RB1: variants seen among roughly 807,000 people sequenced by gnomAD.
RB1 encodes RB transcriptional corepressor 1.
Under a neutral mutation model 135.4 loss-of-function variants are expected in RB1, and 18 were observed. The observed-to-expected ratio is 0.13, with a 90% CI of 0.09 to 0.20. RB1 has a LOEUF of 0.20. RB1 is among the 10% of genes least tolerant of loss of function. The pLI, the probability that RB1 is intolerant of heterozygous loss-of-function variation, is 1.00. For missense variants in RB1, 868 were observed against 1,110.0 expected (o/e 0.78, Z 3.10); for synonymous variants, 365 against 373.2 (o/e 0.98, Z 0.25).
chr13:48,477,503 G>T, intron 26 of RB1, 99 bp downstream of exon 26: 1 of 1,021,312 alleles, frequency 9.8e-7, no homozygotes, highest in South Asian at 1.4e-5. Context: ...TCTTCAGTTG[G>T]CAGGTTTGTT....
rs867576532 is a variant in RB1, at chr13:48,384,625, T to C, written c.1695+3182T>C. Among the ~76,000 whole-genome samples the C allele has an allele frequency of 3.3e-5, 5 of 152,176 alleles. No homozygotes were observed. In the South Asian group the frequency reaches 1.0e-3, roughly 32 times the overall value. On this transcript the variant is annotated intron_variant, in intron 17 of 26. Coordinates refer to ENST00000267163, the MANE Select transcript of RB1 (RefSeq NM_000321.3). ...AAAAAATTCTCGTTAAAACTGTAGATTGATAGGAACATATTCACACAGAGT... is the reference window on the plus strand; with the variant it reads ...AAAAAATTCTCGTTAAAACTGTAGACTGATAGGAACATATTCACACAGAGT...
chr13:48,323,038 G>A (rs1028951524), intron 2 of RB1, among the ~76,000 whole-genome samples: 15 of 151,956 alleles, frequency 9.9e-5, no homozygotes, highest in African/African-American at 3.6e-4. Flanking sequence ...TTCACAGAAT[G>A]GACTGGGAAG....
Position 48,347,872 on chromosome 13 carries a change from T to A in RB1, c.539+9T>A. The A allele has an allele frequency of 6.4e-7, 1 of 1,574,206 alleles. No individual in the cohort carries two copies. The highest frequency in any genetic ancestry group is 1.7e-4 in the Middle Eastern group (1 of 5,964). On this transcript the variant is annotated intron_variant, in intron 5 of 26. Coordinates refer to ENST00000267163, the MANE Select transcript of RB1 (RefSeq NM_000321.3). ...ACACAACCCAGCAGTTCGTAAGTAG[T>A]TCACAGAATGTTATTTTTCACTTAA...
At chr13:48,424,641 A>G (rs191348400) in intron 17 of RB1, among the ~76,000 whole-genome samples, 147 of 152,228 alleles carry the variant, frequency 9.7e-4, no homozygotes, top group African/African-American at 3.2e-3. Flanking sequence ...TTCATCTCCA[A>G]CTCTTAGAAT....
At chr13:48,322,043 A>C (rs1952246871) in intron 2 of RB1, among the ~76,000 whole-genome samples, 1 of 152,128 alleles carries the variant, frequency 6.6e-6, no homozygotes, top group African/African-American at 2.4e-5. Context: ...TTATTTTGCT[A>C]TGCAGAAACT....
At position 48,376,918 on chromosome 13, in the gene RB1, A is replaced by G; in HGVS notation, c.1216A>G (p.Asn406Asp). ...TGATTTCTGTTTTTACCTCCTAAAG[A>G]ACTGCACAGTGAATCCAAAAGAAAG... Reference protein sequence around the residue: ...PSENLISYFNNCTVNPKESIL... With the variant: ...PSENLISYFNDCTVNPKESIL... Residue 406 changes from asparagine to aspartate, a missense_variant and splice_region_variant, in exon 13 of 27, where the codon AAC becomes GAC. By Grantham distance (23) the Asn-to-Asp change is conservative. Coordinates refer to ENST00000267163, the MANE Select transcript of RB1 (RefSeq NM_000321.3). 6.2e-7 allele frequency: 1 copy of G among 1,613,610 alleles called. No individual in the cohort carries two copies. The highest frequency in any genetic ancestry group is 8.5e-7 in the Non-Finnish European group (1 of 1,179,784).
At chr13:48,440,250 C>T (rs1949223997) in intron 17 of RB1, among the ~76,000 whole-genome samples, 2 of 151,918 alleles carry the variant, frequency 1.3e-5, no homozygotes, top group South Asian at 2.1e-4. Context: ...AAAATATAAC[C>T]GAAAACTAAA....
At chr13:48,379,763 C>T in intron 14 of RB1, 113 bp downstream of exon 14, 1 of 1,335,148 alleles carries the variant, frequency 7.5e-7, no homozygotes, top group Non-Finnish European at 1.0e-6. Flanking sequence ...GCATCAAGAT[C>T]ATCCTGGCCA....
intron 17 of RB1, among the ~76,000 whole-genome samples, chr13:48,420,059 A>G (rs1233723832): frequency 2.0e-5 from 3 of 152,238 alleles, no homozygotes; most frequent in African/African-American, 7.2e-5. Flanking sequence ...TCATCCTGAT[A>G]CCATAACCTG....
intron 17 of RB1, chr13:48,412,019 A>C: frequency 1.2e-6 from 2 of 1,612,890 alleles, no homozygotes; most frequent in Non-Finnish European, 1.7e-6. Context: ...CAGTGCAAAC[A>C]ATCTTTGCAT....
At chr13:48,317,634 C>T (rs1309271101) in intron 2 of RB1, 7 of 495,706 alleles carry the variant, frequency 1.4e-5, no homozygotes, top group South Asian at 2.3e-5. Context: ...TTCTCCTGCT[C>T]GCTGAGAGCC....
Position 48,451,802 on chromosome 13 carries a change from G to T in RB1, c.1696-1191G>T, listed in dbSNP as rs116737658. Among the ~76,000 whole-genome samples the T allele has an allele frequency of 2.2e-3, 334 of 150,378 alleles. 1 individual carries two copies. The highest frequency in any genetic ancestry group is 7.6e-3 in the African/African-American group (311 of 40,954). On this transcript the variant is annotated intron_variant, in intron 17 of 26. Coordinates refer to ENST00000267163, the MANE Select transcript of RB1 (RefSeq NM_000321.3). ...GCCTCAATTTCAGAACATGTTATTG[G>T]TCTACTTAGGGATTTGATTTCTTCC...
chr13:48,380,213 T>G lies in RB1; in HGVS notation c.1470T>G (p.Ala490=), dbSNP rs1213010309. Residue 490 remains alanine (A), a synonymous_variant, in exon 16 of 27, where the codon GCT becomes GCG. Coordinates refer to ENST00000267163, the MANE Select transcript of RB1 (RefSeq NM_000321.3). The part of the protein sequence containing the change: ...NIFHMSLLAC[A]LEVVMATYSR... ...TTCATATGTCTTTATTGGCGTGCGC[T>G]CTTGAGGTTGTAATGGCCACATATA... The G allele has an allele frequency of 1.2e-6, 2 of 1,607,856 alleles. No individual in the cohort carries two copies. The highest frequency in any genetic ancestry group is 2.2e-5 in the East Asian group (1 of 44,672).
intron 6 of RB1, among the ~76,000 whole-genome samples, chr13:48,359,000 A>G (rs748599463): frequency 2.0e-5 from 3 of 152,128 alleles, no homozygotes; most frequent in Non-Finnish European, 2.9e-5. Flanking sequence ...TAAAGATGCA[A>G]CGTTATCTGT....
chr13:48,382,587 G>C (rs1948544360), intron 17 of RB1, among the ~76,000 whole-genome samples: 1 of 152,150 alleles, frequency 6.6e-6, no homozygotes, highest in African/African-American at 2.4e-5. Context: ...GTAGATTCTG[G>C]ATATTAGCCC....
At chr13:48,346,099 CTTTTTTTTTT>C (rs35882805) in intron 4 of RB1, among the ~76,000 whole-genome samples, 1 of 117,138 alleles carries the variant, frequency 8.5e-6, no homozygotes, top group Non-Finnish European at 1.7e-5. Flanking sequence ...CATTGGCCAT[CTTTTTTTTTT>C]TTTTTTTTTG....
chr13:48,334,018 T>C (rs1369745061), intron 2 of RB1, among the ~76,000 whole-genome samples: 1 of 152,188 alleles, frequency 6.6e-6, no homozygotes, highest in East Asian at 1.9e-4. Flanking sequence ...TTTCTGATCA[T>C]ATGCTGCATG....
intron 17 of RB1, among the ~76,000 whole-genome samples, chr13:48,441,313 G>T (rs1379576411): frequency 6.6e-6 from 1 of 152,120 alleles, no homozygotes; most frequent in Admixed American, 6.5e-5. Context: ...ACTAAATTGT[G>T]CCTGAAGACC....
intron 17 of RB1, among the ~76,000 whole-genome samples, chr13:48,424,370 C>G (rs545850803): frequency 2.0e-5 from 3 of 152,016 alleles, no homozygotes; most frequent in Non-Finnish European, 2.9e-5. Flanking sequence ...TACCCAAGTT[C>G]AAAGAGTTGA....
Sources: gnomAD v4.1 joint callset for allele counts (sites outside exome capture counted in the v4.1 genomes callset) on GRCh38, gnomAD v4.1.1 for gene constraint, MANE v1.5 for transcripts, NCBI Gene and HGNC (gene_info 2026-07-23, HGNC 2026-07-21) for gene names.